The following PDE3A variants were observed in gnomAD, a reference collection of about 807,000 sequenced individuals.
The protein encoded by PDE3A is phosphodiesterase 3A.
A neutral mutation model predicts 98.3 loss-of-function variants in PDE3A; 43 were observed. The ratio of observed to expected loss-of-function variants is 0.44; its 90% CI spans 0.34 to 0.56. PDE3A has a LOEUF of 0.56. Ranked by LOEUF, PDE3A falls within the 20% of genes least tolerant of loss-of-function variation. The pLI, the probability that PDE3A is intolerant of heterozygous loss-of-function variation, is 0.01. For missense variants in PDE3A, 1,427 were observed against 1,440.7 expected (o/e 0.99, Z 0.15); for synonymous variants, 663 against 567.9 (o/e 1.17, Z -2.38).
intron 1 of PDE3A, among the ~76,000 whole-genome samples, chr12:20,437,079 C>T (rs1944790315): frequency 6.7e-6 from 1 of 148,772 alleles, no homozygotes. Flanking sequence ...GTGTGTGTGC[C>T]CTTGACGCTA....
intron 1 of PDE3A, among the ~76,000 whole-genome samples, chr12:20,469,174 T>C (rs968512646): frequency 6.6e-6 from 1 of 152,200 alleles, no homozygotes; most frequent in Non-Finnish European, 1.5e-5. Flanking sequence ...TTGAGACATA[T>C]TTGTTCATAT....
intron 5 of PDE3A, among the ~76,000 whole-genome samples, chr12:20,624,955 T>A (rs560507437): frequency 6.6e-6 from 1 of 152,090 alleles, no homozygotes; most frequent in South Asian, 2.1e-4. Context: ...TGGAATCAAA[T>A]GAAATGTGAA....
intron 4 of PDE3A, among the ~76,000 whole-genome samples, chr12:20,618,192 C>A (rs1944051091): frequency 6.6e-6 from 1 of 152,042 alleles, no homozygotes; most frequent in Admixed American, 6.6e-5. Context: ...AAAGGAAATT[C>A]ATTCTGAATA....
intron 13 of PDE3A, 40 bp downstream of exon 13, chr12:20,648,931 T>TTTC (rs1555106147): frequency 4.0e-6 from 5 of 1,246,712 alleles, no homozygotes; most frequent in Admixed American, 4.5e-5. Flanking sequence ...CTTTTTCTTT[T>TTTC]TTTTTTTTTT....
At chr12:20,497,355 T>TA (rs1945938387) in intron 1 of PDE3A, among the ~76,000 whole-genome samples, 1 of 151,674 alleles carries the variant, frequency 6.6e-6, no homozygotes, top group South Asian at 2.1e-4. Context: ...AAATTATATA[T>TA]AAACTGATTA....
At position 20,370,248 on chromosome 12, in the gene PDE3A, A is replaced by G. The variant is rs1338104434; in HGVS notation, c.960+4A>G. The G allele has an allele frequency of 2.0e-6, 3 of 1,521,910 alleles. No individual in the cohort carries two copies. The South Asian group carries it at 3.9e-5, about 20-fold the overall frequency. 94.3% of individuals were successfully genotyped at this position (1,521,910 alleles called of 1,614,324 possible). On this transcript the variant is annotated splice_donor_region_variant and intron_variant, in intron 1 of 15. Transcript: ENST00000359062. ...GCCCTGTATACCGAGGGAACAGGTA[A>G]GCACTGGCAACTCCTCTCTCGGCTC...
intron 1 of PDE3A, among the ~76,000 whole-genome samples, chr12:20,426,210 A>G (rs1944599133): frequency 6.6e-6 from 1 of 152,132 alleles, no homozygotes; most frequent in African/African-American, 2.4e-5. Flanking sequence ...CATTCAGGCA[A>G]CTACACATCT....
At position 20,429,583 on chromosome 12, in the gene PDE3A, G is replaced by T. The variant is rs117280925; in HGVS notation, c.960+59339G>T. On this transcript the variant is annotated intron_variant, in intron 1 of 15. Transcript: ENST00000359062. ...CACTGAACTAACTCTGTGGGGTAAA[G>T]AAATGGTTCTAAGTAATAATAATAG... 8.8e-3 allele frequency among the ~76,000 whole-genome samples: 1,344 copies of T among 152,282 alleles called. 13 individuals are homozygous for T. Among genetic ancestry groups the T allele is most frequent in the Non-Finnish European group, 0.014 (961 of 68,008 alleles).
At chr12:20,385,957 TATTA>T (rs1440427224) in intron 1 of PDE3A, among the ~76,000 whole-genome samples, 1,314 of 120,784 alleles carry the variant, frequency 0.011, 36 homozygotes, top group African/African-American at 0.041. Flanking sequence ...TTATATTAAT[TATTA>T]ATTATATTAA....
At chr12:20,601,002 T>A (rs1323462816) in intron 2 of PDE3A, among the ~76,000 whole-genome samples, 5 of 152,162 alleles carry the variant, frequency 3.3e-5, no homozygotes, top group Non-Finnish European at 1.5e-5. Context: ...TTTCTCATAT[T>A]ATTGAGTGCC....
intron 1 of PDE3A, among the ~76,000 whole-genome samples, chr12:20,381,362 A>G (rs766363677): frequency 3.9e-5 from 6 of 151,918 alleles, no homozygotes; most frequent in Non-Finnish European, 7.4e-5. Flanking sequence ...TTGCTTGTGC[A>G]CAAAGAAGAC....
rs1267036946 is a variant in PDE3A, at chr12:20,648,830, A to C, written c.2708A>C (p.Glu903Ala). The C allele has an allele frequency of 6.2e-7, 1 of 1,613,890 alleles. No individual in the cohort carries two copies. Among genetic ancestry groups the C allele is most frequent in the Non-Finnish European group, 8.5e-7 (1 of 1,179,902 alleles). ...EFKHFRFLVI[E>A]AILATDLKKH... is the part of the protein sequence containing the mutation. ...AAGCATTTCCGTTTCCTTGTCATTGAAGCAATTTTGGCCACTGACCTGAAG... is the reference window on the plus strand; with the variant it reads ...AAGCATTTCCGTTTCCTTGTCATTGCAGCAATTTTGGCCACTGACCTGAAG... Residue 903 changes from glutamate to alanine, a missense_variant, in exon 13 of 16, where the codon GAA (glutamate) becomes GCA (alanine). Glu to Ala is a moderately radical substitution (Grantham distance 107). Around this residue, in one of 3 missense-constraint regions of PDE3A, gnomAD observed 273 missense variants for 420.3 expected, o/e 0.65. Transcript: ENST00000359062.
At chr12:20,459,245 T>G (rs948708285) in intron 1 of PDE3A, among the ~76,000 whole-genome samples, 2 of 152,162 alleles carry the variant, frequency 1.3e-5, no homozygotes, top group Admixed American at 1.3e-4. Context: ...CTTTTTAATA[T>G]CCATAATTTC....
intron 1 of PDE3A, among the ~76,000 whole-genome samples, chr12:20,522,337 T>G (rs1946445131): frequency 6.6e-6 from 1 of 152,166 alleles, no homozygotes; most frequent in Non-Finnish European, 1.5e-5. Context: ...ATGCAAATTC[T>G]CAAGTCCCCG....
At chr12:20,406,749 T>C (rs2120687967) in intron 1 of PDE3A, among the ~76,000 whole-genome samples, 1 of 152,310 alleles carries the variant, frequency 6.6e-6, no homozygotes, top group Admixed American at 6.5e-5. Context: ...TTGTTGCCTA[T>C]GCTTTCGGTG....
intron 2 of PDE3A, among the ~76,000 whole-genome samples, chr12:20,583,028 A>G (rs916389211): frequency 2.0e-5 from 3 of 152,044 alleles, no homozygotes; most frequent in Admixed American, 6.6e-5. Flanking sequence ...CCTTCCCCCA[A>G]TTGTCTGATG....
chr12:20,391,931 C>T (rs1471731447), intron 1 of PDE3A, among the ~76,000 whole-genome samples: 2 of 151,888 alleles, frequency 1.3e-5, no homozygotes, highest in African/African-American at 4.8e-5. Context: ...TATACACTTG[C>T]CTAAGCATCA....
At chr12:20,558,863 C>G (rs969700548) in intron 2 of PDE3A, among the ~76,000 whole-genome samples, 3 of 152,092 alleles carry the variant, frequency 2.0e-5, no homozygotes, top group Admixed American at 6.5e-5. Context: ...ATAGTTTACT[C>G]CAAAGCCTTG....
intron 2 of PDE3A, among the ~76,000 whole-genome samples, chr12:20,609,955 C>T (rs1352938647): frequency 6.6e-6 from 1 of 151,648 alleles, no homozygotes; most frequent in Non-Finnish European, 1.5e-5. Context: ...TAGAAGAGAA[C>T]ATGGGGGAAA....
Sources: allele counts gnomAD v4.1 joint callset (sites outside exome capture counted in the v4.1 genomes callset), GRCh38; gene constraint gnomAD v4.1.1; regional missense constraint gnomAD v4.1.1; transcripts MANE v1.5; gene names NCBI Gene and HGNC (gene_info 2026-07-23, HGNC 2026-07-21).